The following FBXL7 variants were observed in gnomAD, a reference collection of about 807,000 sequenced individuals.
FBXL7 encodes the protein F-box and leucine rich repeat protein 7.
Under a neutral mutation model 38.3 loss-of-function variants are expected in FBXL7, and 12 were observed. The observed-to-expected ratio is 0.31, with a 90% CI of 0.20 to 0.51. FBXL7 has a LOEUF of 0.51. Among genes scored for constraint, FBXL7 ranks in the 20% least tolerant of loss-of-function variants. The probability of loss-of-function intolerance (pLI) is 0.98; values close to 1 mark genes in which losing one functional copy is unlikely to be tolerated. For synonymous variants in FBXL7, 297 were observed against 300.9 expected (o/e 0.99, Z 0.13); for missense variants, 567 against 676.4 (o/e 0.84, Z 1.79).
At chr5:15,931,642 G>GT (rs1263729596) in intron 3 of FBXL7, among the ~76,000 whole-genome samples, 1 of 152,164 alleles carries the variant, frequency 6.6e-6, no homozygotes, top group Admixed American at 6.5e-5. Flanking sequence ...CACAGAGCAC[G>GT]TAACAGCCTT....
intron 2 of FBXL7, among the ~76,000 whole-genome samples, chr5:15,846,114 A>T (rs1228523013): frequency 1.3e-5 from 2 of 152,268 alleles, no homozygotes; most frequent in African/African-American, 4.8e-5. Context: ...TGAATACACA[A>T]TTATTCAAAT....
intron 2 of FBXL7, among the ~76,000 whole-genome samples, chr5:15,657,669 CTCTACTAAAAATACAAAAATTA>C: frequency 6.6e-6 from 1 of 152,166 alleles, no homozygotes; most frequent in Non-Finnish European, 1.5e-5. Flanking sequence ...CCAACACTGT[CTCTACTAAAAATACAAAAATTA>C]TCTGGCTGTG....
chr5:15,602,901 A>G (rs1001806502), intron 1 of FBXL7, among the ~76,000 whole-genome samples: 1 of 152,154 alleles, frequency 6.6e-6, no homozygotes, highest in Non-Finnish European at 1.5e-5. Context: ...TGGCACCATC[A>G]TGGCTCACTG....
chr5:15,809,354 C>T (rs911875094), intron 2 of FBXL7, among the ~76,000 whole-genome samples: 2 of 152,162 alleles, frequency 1.3e-5, no homozygotes, highest in East Asian at 3.9e-4. Context: ...AAGCACAGAA[C>T]CCGGGACCCA....
chr5:15,705,725 C>T (rs1743661702), intron 2 of FBXL7, among the ~76,000 whole-genome samples: 1 of 152,036 alleles, frequency 6.6e-6, no homozygotes, highest in African/African-American at 2.4e-5. Flanking sequence ...TCTTTGAATG[C>T]CTCTACATTC....
chr5:15,688,716 G>T (rs1418846184), intron 2 of FBXL7, among the ~76,000 whole-genome samples: 1 of 152,176 alleles, frequency 6.6e-6, no homozygotes, highest in African/African-American at 2.4e-5. Context: ...CAATAGTGTT[G>T]TGTCCCCAAG....
intron 2 of FBXL7, among the ~76,000 whole-genome samples, chr5:15,746,905 G>A (rs1736030905): frequency 1.3e-5 from 2 of 152,028 alleles, no homozygotes; most frequent in Middle Eastern, 3.4e-3. Flanking sequence ...TGCTAATAGA[G>A]TTAATAGACA....
intron 2 of FBXL7, among the ~76,000 whole-genome samples, chr5:15,740,485 C>T (rs1424514748): frequency 1.3e-5 from 2 of 152,130 alleles, no homozygotes; most frequent in South Asian, 2.1e-4. Context: ...CATTCAGGCA[C>T]AGAGCTCTTT....
intron 1 of FBXL7, among the ~76,000 whole-genome samples, chr5:15,565,576 C>A (rs563105088): frequency 1.3e-5 from 2 of 151,476 alleles, no homozygotes; most frequent in South Asian, 2.1e-4. Context: ...CAACTTCTTA[C>A]AATAAATCTT....
At chr5:15,889,272 G>C (rs1056469807) in intron 2 of FBXL7, among the ~76,000 whole-genome samples, 15 of 152,198 alleles carry the variant, frequency 9.9e-5, no homozygotes, top group African/African-American at 3.6e-4. Flanking sequence ...CTCCTCAGAA[G>C]TGATTACCCA....
intron 3 of FBXL7, among the ~76,000 whole-genome samples, chr5:15,932,134 G>C (rs573859561): frequency 6.6e-6 from 1 of 152,258 alleles, no homozygotes; most frequent in African/African-American, 2.4e-5. Context: ...GTTCCCTTTG[G>C]TTAATACTCT....
intron 3 of FBXL7, among the ~76,000 whole-genome samples, chr5:15,933,967 A>T (rs549589097): frequency 1.3e-4 from 20 of 152,280 alleles, no homozygotes; most frequent in Non-Finnish European, 2.2e-4. Flanking sequence ...ATTTATTTAT[A>T]AAATATTAGG....
intron 2 of FBXL7, among the ~76,000 whole-genome samples, chr5:15,879,302 CCTT>C (rs1383748248): frequency 2.0e-5 from 3 of 152,114 alleles, no homozygotes; most frequent in Non-Finnish European, 2.9e-5. Context: ...GGTTTAATCT[CCTT>C]CTTTCTAATT....
At chr5:15,645,820 C>T (rs936555010) in intron 2 of FBXL7, among the ~76,000 whole-genome samples, 1 of 152,186 alleles carries the variant, frequency 6.6e-6, no homozygotes, top group Non-Finnish European at 1.5e-5. Context: ...GAAAGTTCTG[C>T]CAGTAACAAA....
intron 1 of FBXL7, among the ~76,000 whole-genome samples, chr5:15,534,862 C>G (rs1027864836): frequency 6.6e-6 from 1 of 152,180 alleles, no homozygotes; most frequent in African/African-American, 2.4e-5. Flanking sequence ...TGATAGGTGT[C>G]TGGTTGTGGT....
At chr5:15,805,776 G>T (rs1357224475) in intron 2 of FBXL7, among the ~76,000 whole-genome samples, 2 of 152,294 alleles carry the variant, frequency 1.3e-5, no homozygotes, top group East Asian at 3.9e-4. Context: ...GATAACTTAA[G>T]TAGTTAATGG....
chr5:15,883,719 G>A (rs1579566595), intron 2 of FBXL7, among the ~76,000 whole-genome samples: 4 of 152,088 alleles, frequency 2.6e-5, no homozygotes, highest in South Asian at 4.1e-4. Flanking sequence ...TTTTCAGTGG[G>A]TGGTAGTGGA....
At chr5:15,854,692 A>G (rs1739201719) in intron 2 of FBXL7, among the ~76,000 whole-genome samples, 1 of 152,220 alleles carries the variant, frequency 6.6e-6, no homozygotes, top group Non-Finnish European at 1.5e-5. Context: ...TTGCAGGCTC[A>G]TGCTTTCAGC....
intron 2 of FBXL7, among the ~76,000 whole-genome samples, chr5:15,789,428 C>T: frequency 6.6e-6 from 1 of 152,114 alleles, no homozygotes; most frequent in East Asian, 1.9e-4. Flanking sequence ...ACCTGCACAG[C>T]CCACCTGCCC....
Sources: gnomAD v4.1 joint callset for allele counts (sites outside exome capture counted in the v4.1 genomes callset) on GRCh38, gnomAD v4.1.1 for gene constraint, MANE v1.5 for transcripts, NCBI Gene and HGNC (gene_info 2026-07-23, HGNC 2026-07-21) for gene names.